METRNL: variants seen among roughly 807,000 people sequenced by gnomAD.
METRNL encodes meteorin like, glial cell differentiation regulator.
In METRNL, 9 loss-of-function variants were observed where a neutral mutation model predicts 17.4. The ratio of observed to expected loss-of-function variants is 0.52; its 90% CI spans 0.31 to 0.90. METRNL has a LOEUF of 0.90. Among genes scored for constraint, METRNL ranks in the 40% least tolerant of loss-of-function variants. The pLI is 0.05. For missense variants in METRNL, 408 were observed against 430.7 expected, an observed-to-expected ratio of 0.95 and a Z score of 0.47; for synonymous variants, 215 against 199.3, an observed-to-expected ratio of 1.08 and a Z score of -0.66.
intron 2 of METRNL, among the ~76,000 whole-genome samples, chr17:83,088,761 G>A (rs143314356): frequency 1.3e-3 from 194 of 152,150 alleles, no homozygotes; most frequent in South Asian, 2.3e-3. Flanking sequence ...TGACCAGCTC[G>A]GCGGGCGCAG....
chr17:83,091,635 C>T (rs1011750765), intron 2 of METRNL, among the ~76,000 whole-genome samples: 1 of 152,252 alleles, frequency 6.6e-6, no homozygotes, highest in African/African-American at 2.4e-5. Context: ...ACTCATCAGG[C>T]AGGTGACAGC....
intron 1 of METRNL, 135 bp downstream of exon 1, chr17:83,080,120 A>G (rs1279573179): frequency 1.3e-5 from 4 of 299,748 alleles, no homozygotes; most frequent in African/African-American, 9.2e-5. Flanking sequence ...CTCCAGGCCC[A>G]GTCCGGTGCC....
chr17:83,085,359 C>G (rs199878546), intron 2 of METRNL, 36 bp downstream of exon 2: 2 of 1,510,706 alleles, frequency 1.3e-6, no homozygotes, highest in East Asian at 2.3e-5. Context: ...CGGCGGGCCT[C>G]GTCATCACGG....
intron 2 of METRNL, among the ~76,000 whole-genome samples, chr17:83,091,017 C>T (rs1228758357): frequency 1.3e-5 from 2 of 152,086 alleles, no homozygotes; most frequent in Non-Finnish European, 2.9e-5. Context: ...TAGGAGAGCG[C>T]ACCGGGCGGC....
chr17:83,094,667 C>T lies in METRNL; in HGVS notation c.*92C>T. ...GGGGCCGTGCGGTGAGGGCCGCGCG[C>T]TGGGAGCCGCATGCCCTGGGCCCAG... is the stretch of plus-strand genomic sequence containing the variant. On this transcript the variant is annotated 3_prime_UTR_variant, in exon 4 of 4. Coordinates refer to ENST00000320095, the MANE Select transcript of METRNL (RefSeq NM_001004431.3). 1 of 1,082,556 alleles carries T rather than the reference C, an allele frequency of 9.2e-7. No individual in the cohort carries two copies. The highest frequency in any genetic ancestry group is 1.2e-6 in the Non-Finnish European group (1 of 824,984). 67.1% of individuals were successfully genotyped at this position (1,082,556 alleles called of 1,614,324 possible).
chr17:83,092,605 C>T (rs1312326123), intron 2 of METRNL: 1 of 40,488 alleles, frequency 2.5e-5, no homozygotes, highest in African/African-American at 9.7e-5. Context: ...GGGGTGCTCC[C>T]GGCGCCGTGG....
intron 1 of METRNL, 126 bp from the exon 2 acceptor site, chr17:83,084,811 CG>C: frequency 7.9e-7 from 1 of 1,262,638 alleles, no homozygotes; most frequent in Middle Eastern, 2.8e-4. Flanking sequence ...CACCTGTGGC[CG>C]GCAGCGGGTG....
At chr17:83,083,181 C>T (rs1164797714) in intron 1 of METRNL, among the ~76,000 whole-genome samples, 1 of 152,246 alleles carries the variant, frequency 6.6e-6, no homozygotes, top group Non-Finnish European at 1.5e-5. Flanking sequence ...CGGCCTCCTC[C>T]TGGGCAGAGG....
intron 1 of METRNL, among the ~76,000 whole-genome samples, chr17:83,081,167 C>T (rs895031684): frequency 1.3e-5 from 2 of 151,630 alleles, no homozygotes; most frequent in African/African-American, 4.9e-5. Context: ...AGCGGGGCCG[C>T]GGGCGGATGG....
intron 2 of METRNL, among the ~76,000 whole-genome samples, chr17:83,089,845 C>G (rs7207886): frequency 2.0e-5 from 3 of 151,920 alleles, no homozygotes; most frequent in Non-Finnish European, 2.9e-5. Flanking sequence ...GTGCTCCTTA[C>G]GAGCTCAGCT....
intron 2 of METRNL, among the ~76,000 whole-genome samples, chr17:83,087,309 A>T (rs953910881): frequency 6.6e-6 from 1 of 151,994 alleles, no homozygotes; most frequent in African/African-American, 2.4e-5. Context: ...TGGGTTGCTT[A>T]TCCGAGGAAG....
rs545805039 is a variant in METRNL at position 83,093,606 on chromosome 17, G to T, written c.616+380G>T. On this transcript the variant is annotated intron_variant, in intron 3 of 3. Coordinates refer to ENST00000320095, the MANE Select transcript of METRNL (RefSeq NM_001004431.3). ...GCATCCTTGGCGTTGGACACTCCTTGCCCCCCACCAGAGTTCACGCTGTTC... is the reference window on the plus strand; with the variant it reads ...GCATCCTTGGCGTTGGACACTCCTTTCCCCCCACCAGAGTTCACGCTGTTC... 1.7e-4 allele frequency among the ~76,000 whole-genome samples: 26 copies of T among 152,316 alleles called. No individual in the cohort carries two copies. In the South Asian group the frequency reaches 5.0e-3, roughly 29 times the overall value.
rs773094441 is a variant in METRNL at position 83,084,929 on chromosome 17, C to T, written c.171-9C>T. ...TCCGGGCCTGGCTGACAGTGTCTCTCCTCTGCAGCGGGCTGACGCACGAGG... is the reference window on the plus strand; with the variant it reads ...TCCGGGCCTGGCTGACAGTGTCTCTTCTCTGCAGCGGGCTGACGCACGAGG... On this transcript the variant is annotated splice_polypyrimidine_tract_variant and intron_variant, in intron 1 of 3. Transcript: ENST00000320095. 1.9e-6 allele frequency: 3 copies of T among 1,605,362 alleles called. No individual in the cohort carries two copies. In the Admixed American group the frequency reaches 5.0e-5, roughly 27 times the overall value.
At position 83,079,938 on chromosome 17, in the gene METRNL, C is replaced by T; in HGVS notation, c.123C>T (p.Gly41=). ...LLLLLLAGLL[G]GAGAQYSSDR... is the part of the protein sequence containing the mutation. ...TCCTGCTCCTGGCCGGGCTGCTGGG[C>T]GGCGCGGGCGCGCAGTACTCCAGCG... The change falls in exon 1 of 4, where the codon GGC becomes GGT. Residue 41 remains glycine, a synonymous_variant. Transcript: ENST00000320095. The T allele has an allele frequency of 3.0e-6, 3 of 1,011,690 alleles. No individual in the cohort carries two copies. Among genetic ancestry groups the T allele is most frequent in the South Asian group, 4.5e-5 (1 of 22,362 alleles). 62.7% of individuals were successfully genotyped at this position (1,011,690 alleles called of 1,614,324 possible). A position where few individuals can be genotyped will look rare whatever the true frequency, so the allele number is the denominator to read the frequency against.
chr17:83,087,717 C>T lies in METRNL; in HGVS notation c.556+2394C>T, dbSNP rs537037342. Among the ~76,000 whole-genome samples, 112 of 152,294 alleles carry T rather than the reference C, an allele frequency of 7.4e-4. 1 individual carries two copies. Among genetic ancestry groups the T allele is most frequent in the African/African-American group, 2.6e-3 (109 of 41,554 alleles). On this transcript the variant is annotated intron_variant, in intron 2 of 3. Coordinates refer to ENST00000320095, the MANE Select transcript of METRNL (RefSeq NM_001004431.3). ...CCGCGGTTTCCCTTGCCTCCCGTTC[C>T]TGCACTTGCTGTAGCTGCGAGAGCC...
rs142053233 is a variant in METRNL, at chr17:83,094,287, C to T, written c.648C>T (p.His216=). 950 of 1,584,608 alleles carry T rather than the reference C, an allele frequency of 6.0e-4. 9 individuals are homozygous for T. In the South Asian group the frequency reaches 8.6e-3, roughly 14 times the overall value. ...AVRGSIQQVT[H]EPERQDSAIH... Reference sequence around the variant, plus strand: ...GAGGCTCCATCCAGCAAGTTACCCACGAGCCTGAGCGGCAGGACTCAGCCA... The same window carrying T: ...GAGGCTCCATCCAGCAAGTTACCCATGAGCCTGAGCGGCAGGACTCAGCCA... The change falls in exon 4 of 4, where the codon CAC becomes CAT. Residue 216 remains histidine, a synonymous_variant. Coordinates refer to ENST00000320095, the MANE Select transcript of METRNL (RefSeq NM_001004431.3).
intron 2 of METRNL, among the ~76,000 whole-genome samples, chr17:83,086,481 G>A (rs1471882071): frequency 6.6e-6 from 1 of 152,202 alleles, no homozygotes. Flanking sequence ...CAACAGTTAT[G>A]GTGGGTGGGA....
chr17:83,090,296 C>T (rs1380396088), intron 2 of METRNL, among the ~76,000 whole-genome samples: 1 of 7,588 alleles, frequency 1.3e-4, no homozygotes. Context: ...AGGGTGGGAG[C>T]CACACACACC....
chr17:83,082,490 T>C (rs139329561), intron 1 of METRNL, among the ~76,000 whole-genome samples: 180 of 152,378 alleles, frequency 1.2e-3, no homozygotes, highest in African/African-American at 4.2e-3. Context: ...ATCTGTTCAG[T>C]CTGTTGATCC....
Sources: gnomAD v4.1 joint callset for allele counts (sites outside exome capture counted in the v4.1 genomes callset) on GRCh38, gnomAD v4.1.1 for gene constraint, MANE v1.5 for transcripts, NCBI Gene and HGNC (gene_info 2026-07-23, HGNC 2026-07-21) for gene names.